ACOX3: variants seen among roughly 807,000 people sequenced by gnomAD.
ACOX3 encodes acyl-CoA oxidase 3, pristanoyl.
Under a neutral mutation model 81.5 loss-of-function variants are expected in ACOX3, and 73 were observed. The ratio of observed to expected loss-of-function variants is 0.90; its 90% confidence interval spans 0.74 to 1.09. The LOEUF is 1.09. Among genes scored for constraint, ACOX3 ranks in the 50% least tolerant of loss-of-function variants. The pLI is 0.00. For missense variants in ACOX3, 947 were observed against 928.0 expected (o/e 1.02, Z -0.27); for synonymous variants, 387 against 375.1 (o/e 1.03, Z -0.37).
rs1008075039 is a variant in ACOX3 at position 8,416,288 on chromosome 4, A to G, written c.144+90T>C. ...TGGGATGAGCCTCGCCCGGCAGAGG[A>G]GGAGCTGTGAGAGCCAGAAATCCCA... On this transcript the variant is annotated intron_variant, in intron 2 of 17. Transcript: ENST00000356406. This position sits in a 1 kb window ranked among gnomAD's most constrained non-coding sequence, Gnocchi z 4.2. The G allele has an allele frequency of 3.1e-6, 5 of 1,604,582 alleles. No individual in the cohort carries two copies. The highest frequency in any genetic ancestry group is 2.7e-5 in the African/African-American group (2 of 74,716).
At position 8,392,335 on chromosome 4, in the gene ACOX3, G is replaced by T; in HGVS notation, c.1298C>A (p.Ala433Asp). Residue 433 changes from alanine (A) to aspartate (D), a missense_variant and splice_region_variant, in exon 11 of 18, where the codon GCC becomes GAC. Coordinates refer to ENST00000356406, the MANE Select transcript of ACOX3 (RefSeq NM_003501.3). ...REACGGHGYL[A>D]MNRLGVLRDD... is the part of the protein sequence containing the mutation. The stretch of plus-strand genomic sequence containing the variant: ...CCATGCGCTTCTCCAAAACCTACTG[G>T]CCAGATAGCCGTGTCCTCCACACGC... The T allele has an allele frequency of 6.4e-7, 1 of 1,573,726 alleles. No homozygotes were observed. The highest frequency in any genetic ancestry group is 8.6e-7 in the Non-Finnish European group (1 of 1,161,642).
rs10016221 is a variant in ACOX3 at position 8,407,510 on chromosome 4, C to A, written c.688-1467G>T. Among the ~76,000 whole-genome samples the A allele has an allele frequency of 0.19, 29,165 of 152,152 alleles. 3,000 individuals carry two copies. The highest frequency in any genetic ancestry group is 0.27 in the South Asian group (1,307 of 4,812). On this transcript the variant is annotated intron_variant, in intron 6 of 17. Coordinates refer to ENST00000356406, the MANE Select transcript of ACOX3 (RefSeq NM_003501.3). The surrounding 1 kb of genome is among the most constrained non-coding windows in gnomAD (Gnocchi z 4.6). Reference sequence around the variant, plus strand: ...AAGATTCCTCAATTTCAGACCCCGGCCTCCAGAGTTGGGAGAATACGTTAT... The same window carrying A: ...AAGATTCCTCAATTTCAGACCCCGGACTCCAGAGTTGGGAGAATACGTTAT...
In ACOX3 at chr4:8,402,862, C is replaced by T. The variant is rs73211306; in HGVS notation, c.776+3093G>A. Among the ~76,000 whole-genome samples, 1,312 of 152,330 alleles carry T rather than the reference C, an allele frequency of 8.6e-3. 7 individuals are homozygous for T. The highest frequency in any genetic ancestry group is 0.034 in the South Asian group (166 of 4,830). On this transcript the variant is annotated intron_variant, in intron 7 of 17. Transcript: ENST00000356406. Reference sequence around the variant, plus strand: ...CCAGACCTCAGCACACACCCCGCGCCCTGGACATCCTGCTTCTTATTGCAG... The same window carrying T: ...CCAGACCTCAGCACACACCCCGCGCTCTGGACATCCTGCTTCTTATTGCAG...
intron 1 of ACOX3, among the ~76,000 whole-genome samples, chr4:8,420,839 G>A (rs1162758804): frequency 6.6e-6 from 1 of 152,304 alleles, no homozygotes; most frequent in African/African-American, 2.4e-5. Context: ...ATCCAGTGAG[G>A]CACCCATTGC....
At chr4:8,404,165 GC>G (rs1270826129) in intron 7 of ACOX3, among the ~76,000 whole-genome samples, 1 of 152,208 alleles carries the variant, frequency 6.6e-6, no homozygotes, top group African/African-American at 2.4e-5. Context: ...GATGGCTGGG[GC>G]TTCCCGCTGC....
At chr4:8,367,576 A>T (rs532905628) in intron 17 of ACOX3, among the ~76,000 whole-genome samples, 46 of 152,286 alleles carry the variant, frequency 3.0e-4, no homozygotes, top group African/African-American at 1.1e-3. Context: ...AATTTATATG[A>T]ATATTTTCTT....
chr4:8,363,721 T>C (rs570130548), downstream of ACOX3, among the ~76,000 whole-genome samples: 6 of 152,078 alleles, frequency 3.9e-5, no homozygotes, highest in Admixed American at 3.3e-4. Context: ...ATGCAGGTCA[T>C]AAAGACCTTG....
chr4:8,404,831 T>A (rs1060617), intron 7 of ACOX3, among the ~76,000 whole-genome samples: 1 of 152,264 alleles, frequency 6.6e-6, no homozygotes, highest in South Asian at 2.1e-4. Flanking sequence ...TCTTTCAGGC[T>A]ATCAGGCTCA....
In ACOX3 at chr4:8,429,290, C is replaced by G. The variant is rs576252072; in HGVS notation, c.-15+11358G>C. ...CTAACGCTTAAAGTTCTCTCGGCCC[C>G]GAAGAAGGGACTAGATTTTCTTTTA... On this transcript the variant is annotated intron_variant, in intron 1 of 17. Coordinates refer to ENST00000356406, the MANE Select transcript of ACOX3 (RefSeq NM_003501.3). Among the ~76,000 whole-genome samples, 7 of 152,280 alleles carry G rather than the reference C, an allele frequency of 4.6e-5. No homozygotes were observed. In the East Asian group the frequency reaches 1.4e-3, roughly 29 times the overall value.
At chr4:8,396,491 A>T (rs1011593085) in intron 9 of ACOX3, among the ~76,000 whole-genome samples, 1 of 152,120 alleles carries the variant, frequency 6.6e-6, no homozygotes, top group Non-Finnish European at 1.5e-5. Context: ...GGCCTGGCCA[A>T]AACAGCAGAA....
chr4:8,426,546 T>A (rs1388772056), intron 1 of ACOX3, among the ~76,000 whole-genome samples: 1 of 129,138 alleles, frequency 7.7e-6, no homozygotes, highest in Non-Finnish European at 1.6e-5. Flanking sequence ...TTACCCCCCT[T>A]TCACTATCAC....
the ACOX3 span, chr4:8,358,477 C>T: frequency 6.6e-6 from 1 of 151,898 alleles, no homozygotes; most frequent in Non-Finnish European, 1.5e-5. Flanking sequence ...ACGTGTGAAC[C>T]AGAGCAACTC....
At chr4:8,427,502 C>T (rs527850153) in intron 1 of ACOX3, among the ~76,000 whole-genome samples, 1 of 152,208 alleles carries the variant, frequency 6.6e-6, no homozygotes, top group Non-Finnish European at 1.5e-5. Context: ...AGCGAGGCAC[C>T]GGTTGCTGCT....
chr4:8,385,914 C>T lies in ACOX3; in HGVS notation c.1537+3259G>A, dbSNP rs1358962619. On this transcript the variant is annotated intron_variant, in intron 13 of 17. Transcript: ENST00000356406. The surrounding 1 kb of genome is among the most constrained non-coding windows in gnomAD (Gnocchi z 5.5). ...TTCCCTGCGGCGTGAGGGATAATGG[C>T]GGTCTCTCTCCCATACCACTTTGAA... Among the ~76,000 whole-genome samples, 2 of 152,252 alleles carry T rather than the reference C, an allele frequency of 1.3e-5. No individual in the cohort carries two copies. Among genetic ancestry groups the T allele is most frequent in the South Asian group, 2.1e-4 (1 of 4,836 alleles).
chr4:8,427,313 G>A (rs1213998674), intron 1 of ACOX3, among the ~76,000 whole-genome samples: 1 of 152,188 alleles, frequency 6.6e-6, no homozygotes, highest in Admixed American at 6.5e-5. Context: ...CCGTTGCATG[G>A]GAGCTCTGTT....
chr4:8,435,490 C>T (rs1306670331), intron 1 of ACOX3, among the ~76,000 whole-genome samples: 4 of 151,076 alleles, frequency 2.6e-5, no homozygotes, highest in African/African-American at 4.9e-5. Flanking sequence ...AGCGAGACTC[C>T]GTCTCAAAAA....
At chr4:8,420,772 A>T (rs1303878893) in intron 1 of ACOX3, among the ~76,000 whole-genome samples, 1 of 152,172 alleles carries the variant, frequency 6.6e-6, no homozygotes, top group East Asian at 1.9e-4. Flanking sequence ...TCGCCATCGC[A>T]GACCCACCAC....
intron 11 of ACOX3, among the ~76,000 whole-genome samples, 196 bp downstream of exon 11, chr4:8,392,137 C>A (rs1210518789): frequency 6.6e-6 from 1 of 152,242 alleles, no homozygotes. Context: ...CTCATCTCTG[C>A]CCTTGCAGTG....
At position 8,386,033 on chromosome 4, in the gene ACOX3, T is replaced by G. The variant is rs1483666640; in HGVS notation, c.1537+3140A>C. On this transcript the variant is annotated intron_variant, in intron 13 of 17. Coordinates refer to ENST00000356406, the MANE Select transcript of ACOX3 (RefSeq NM_003501.3). The surrounding 1 kb of genome is among the most constrained non-coding windows in gnomAD (Gnocchi z 5.2). ...GAGCAGTTGCAGAAAAGCAGATGAC[T>G]TTGGTGTCTTTCCTGATGATGGAGA... Among the ~76,000 whole-genome samples the G allele has an allele frequency of 6.6e-6, 1 of 152,226 alleles. No homozygotes were observed. The highest frequency in any genetic ancestry group is 2.4e-5 in the African/African-American group (1 of 41,458).
Sources: allele counts gnomAD v4.1 joint callset (sites outside exome capture counted in the v4.1 genomes callset), GRCh38; gene constraint gnomAD v4.1.1; non-coding constraint Gnocchi (gnomAD v3.1); transcripts MANE v1.5; gene names NCBI Gene and HGNC (gene_info 2026-07-23, HGNC 2026-07-21).